Variants in FBP2 observed in about 807,000 individuals in gnomAD.
FBP2 encodes the protein fructose-1,6-bisphosphatase isozyme 2.
In FBP2, 27 loss-of-function variants were observed where a neutral mutation model predicts 31.6. The observed-to-expected ratio is 0.85, with a 90% CI of 0.63 to 1.18. The LOEUF is 1.18. FBP2 is among the 50% of genes most tolerant of loss of function. FBP2 has a pLI of 0.00. For missense variants in FBP2, 421 were observed against 436.1 expected, an observed-to-expected ratio of 0.97 and a Z score of 0.31; for synonymous variants, 168 against 179.8, an observed-to-expected ratio of 0.93 and a Z score of 0.53.
At chr9:94,581,579 A>G (rs1410277689) in intron 3 of FBP2, among the ~76,000 whole-genome samples, 1 of 152,314 alleles carries the variant, frequency 6.6e-6, no homozygotes, top group East Asian at 1.9e-4. Context: ...GAGGAACATC[A>G]TGGACCCTGG....
intron 3 of FBP2, among the ~76,000 whole-genome samples, chr9:94,583,478 C>A (rs992855144): frequency 6.6e-6 from 1 of 152,328 alleles, no homozygotes; most frequent in African/African-American, 2.4e-5. Flanking sequence ...CTTAAATACT[C>A]ATATTTCTGC....
intron 4 of FBP2, chr9:94,568,753 CTAACA>C (rs1827231062): frequency 6.6e-6 from 1 of 152,186 alleles, no homozygotes; most frequent in African/African-American, 2.4e-5. Context: ...CCTTTCCTGC[CTAACA>C]TGAGTGACAA....
chr9:94,587,085 ACT>A (rs763420765), intron 2 of FBP2, among the ~76,000 whole-genome samples: 6 of 152,148 alleles, frequency 3.9e-5, no homozygotes, highest in Non-Finnish European at 5.9e-5. Context: ...TTCCTGCATC[ACT>A]CTGAACAATT....
intron 5 of FBP2, among the ~76,000 whole-genome samples, chr9:94,566,437 CA>C (rs1190437599): frequency 6.6e-6 from 1 of 152,270 alleles, no homozygotes; most frequent in Non-Finnish European, 1.5e-5. Context: ...TGCAGTTAAC[CA>C]GCCCAACCTA....
chr9:94,560,500 T>A (rs970943869), intron 6 of FBP2, among the ~76,000 whole-genome samples: 5 of 152,150 alleles, frequency 3.3e-5, no homozygotes, highest in African/African-American at 1.2e-4. Flanking sequence ...CAGTATCATC[T>A]TCTTCTTTCT....
chr9:94,578,870 G>C (rs191664692), intron 3 of FBP2, among the ~76,000 whole-genome samples: 3,330 of 151,346 alleles, frequency 0.022, 138 homozygotes, highest in African/African-American at 0.077. Flanking sequence ...TGGCTAACAC[G>C]GTGAAACCCA....
At chr9:94,578,779 C>T (rs982166770) in intron 3 of FBP2, among the ~76,000 whole-genome samples, 11 of 151,864 alleles carry the variant, frequency 7.2e-5, no homozygotes, top group East Asian at 1.9e-4. Context: ...ATAGGCTGGA[C>T]GTGGTGGCTC....
intron 2 of FBP2, 105 bp from the exon 3 acceptor site, chr9:94,584,774 T>G: frequency 1.4e-6 from 1 of 713,350 alleles, no homozygotes; most frequent in Non-Finnish European, 2.5e-6. Context: ...CAAAAAGAGA[T>G]TGAGAACCAC....
intron 5 of FBP2, 24 bp from the exon 6 acceptor site, chr9:94,563,485 C>T: frequency 6.2e-7 from 1 of 1,608,630 alleles, no homozygotes; most frequent in South Asian, 1.1e-5. Flanking sequence ...AGCGAAGAGA[C>T]AAGATCCAGT....
chr9:94,559,331 C>G (rs1406005399), intron 6 of FBP2, among the ~76,000 whole-genome samples, 199 bp from the exon 7 acceptor site: 5 of 152,212 alleles, frequency 3.3e-5, no homozygotes, highest in Non-Finnish European at 7.4e-5. Context: ...CATCCAGAAG[C>G]CTTGGGGGCC....
intron 3 of FBP2, among the ~76,000 whole-genome samples, chr9:94,572,500 G>GGTCT (rs1351194160): frequency 6.6e-6 from 1 of 152,192 alleles, no homozygotes; most frequent in African/African-American, 2.4e-5. Context: ...CTGACCTCAT[G>GGTCT]GTCTGGTCTT....
At chr9:94,582,874 GAC>G (rs1452588342) in intron 3 of FBP2, among the ~76,000 whole-genome samples, 2 of 90,972 alleles carry the variant, frequency 2.2e-5, no homozygotes, top group African/African-American at 9.4e-5. Context: ...TTTTTTTTGA[GAC>G]ACAGTTTCAC....
intron 3 of FBP2, among the ~76,000 whole-genome samples, chr9:94,574,121 AAAAC>A (rs907606366): frequency 3.9e-5 from 6 of 152,172 alleles, no homozygotes; most frequent in African/African-American, 1.4e-4. Flanking sequence ...ATCCTTTTGA[AAAAC>A]AAGGCAACCT....
At chr9:94,587,172 G>A in intron 2 of FBP2, 135 bp downstream of exon 2, 1 of 738,126 alleles carries the variant, frequency 1.4e-6, no homozygotes, top group East Asian at 2.7e-5. Context: ...AGAGAAGTAT[G>A]TAATCCTTTG....
intron 1 of FBP2, among the ~76,000 whole-genome samples, chr9:94,592,680 G>A (rs1465162532): frequency 1.3e-5 from 2 of 152,202 alleles, no homozygotes; most frequent in South Asian, 2.1e-4. Flanking sequence ...GACTACAGGC[G>A]CCCGCCACCA....
At chr9:94,586,603 G>A (rs1308920543) in intron 2 of FBP2, 1 of 152,202 alleles carries the variant, frequency 6.6e-6, no homozygotes, top group East Asian at 1.9e-4. Context: ...CTGGCATAGA[G>A]CAGAGGTTAA....
intron 5 of FBP2, among the ~76,000 whole-genome samples, chr9:94,565,291 C>T (rs1354319476): frequency 1.4e-5 from 2 of 148,084 alleles, no homozygotes; most frequent in Non-Finnish European, 3.0e-5. Context: ...AGGAGAATCG[C>T]TTGAACCAGG....
At chr9:94,591,017 A>G (rs1210090007) in intron 1 of FBP2, among the ~76,000 whole-genome samples, 1 of 150,834 alleles carries the variant, frequency 6.6e-6, no homozygotes, top group Non-Finnish European at 1.5e-5. Flanking sequence ...TGTATTTACA[A>G]TCCCTGAGCT....
intron 1 of FBP2, among the ~76,000 whole-genome samples, chr9:94,590,506 G>A (rs1220573428): frequency 3.3e-5 from 5 of 152,198 alleles, no homozygotes; most frequent in African/African-American, 1.2e-4. Flanking sequence ...CTGACTTCAA[G>A]AATGAAGCCG....
Sources: gnomAD v4.1 joint callset for allele counts (sites outside exome capture counted in the v4.1 genomes callset) on GRCh38, gnomAD v4.1.1 for gene constraint, MANE v1.5 for transcripts, NCBI Gene and HGNC (gene_info 2026-07-23, HGNC 2026-07-21) for gene names.